The following S100Z variants were observed in gnomAD, a reference collection of about 807,000 sequenced individuals.
S100Z encodes protein S100-Z.
In S100Z, 11 loss-of-function variants were observed where a neutral mutation model predicts 8.5. That is an observed-to-expected ratio of 1.30 (90% confidence interval 0.82 to 2.15). S100Z has a LOEUF of 2.15. Among genes scored for constraint, S100Z ranks in the 30% most tolerant of loss-of-function variants. The pLI is 0.00. For missense variants in S100Z, 126 were observed against 117.9 expected, an observed-to-expected ratio of 1.07 and a Z score of -0.32; for synonymous variants, 34 against 43.8, an observed-to-expected ratio of 0.78 and a Z score of 0.89.
At chr5:76,914,367 G>T (rs1744781180) in intron 4 of S100Z, among the ~76,000 whole-genome samples, 2 of 45,784 alleles carry the variant, frequency 4.4e-5, no homozygotes, top group Non-Finnish European at 8.3e-5. Context: ...CTAGCTAAAA[G>T]GTTTGTAAAC....
rs555463438 is a variant in S100Z, at chr5:76,855,918, T to C, written c.-176+5763T>C. On this transcript the variant is annotated intron_variant, in intron 1 of 4. Coordinates refer to ENST00000317593, the MANE Select transcript of S100Z (RefSeq NM_130772.4). The stretch of plus-strand genomic sequence containing the variant: ...GGCCTGGTGGAAGGTGATTGGATCA[T>C]GGGGGTGGAGTTCTCATGAATGGGT... Among the ~76,000 whole-genome samples the C allele has an allele frequency of 1.5e-4, 23 of 152,278 alleles. No homozygotes were observed. The South Asian group carries it at 4.3e-3, about 29-fold the overall frequency.
At chr5:76,870,906 G>A (rs1380070211) in intron 2 of S100Z, among the ~76,000 whole-genome samples, 1 of 152,134 alleles carries the variant, frequency 6.6e-6, no homozygotes, top group Non-Finnish European at 1.5e-5. Flanking sequence ...AGGATTGCTT[G>A]AGGCCAGAAG....
chr5:76,860,478 G>C (rs771927094), intron 1 of S100Z, among the ~76,000 whole-genome samples: 1 of 152,066 alleles, frequency 6.6e-6, no homozygotes, highest in Admixed American at 6.5e-5. Flanking sequence ...TGCTCAAGAG[G>C]GGCTGATGGG....
the S100Z span, among the ~76,000 whole-genome samples, chr5:76,944,946 G>T: frequency 2.6e-5 from 4 of 152,178 alleles, no homozygotes; most frequent in Admixed American, 2.6e-4. Flanking sequence ...TTTAGAGTAA[G>T]GCTGAAGGGA....
chr5:76,859,923 C>CA (rs1751007342), intron 1 of S100Z, among the ~76,000 whole-genome samples: 2 of 152,144 alleles, frequency 1.3e-5, no homozygotes, highest in African/African-American at 4.8e-5. Context: ...TAACCTAACC[C>CA]AAAACTGGCA....
chr5:76,874,331 G>C (rs1247444471), intron 2 of S100Z, among the ~76,000 whole-genome samples: 2 of 151,658 alleles, frequency 1.3e-5, no homozygotes, highest in African/African-American at 2.4e-5. Flanking sequence ...CCTATTTTTA[G>C]AGTTCTTCCC....
the S100Z span, among the ~76,000 whole-genome samples, chr5:76,950,444 G>A: frequency 6.6e-6 from 1 of 152,164 alleles, no homozygotes; most frequent in Non-Finnish European, 1.5e-5. Flanking sequence ...ATATGGATCT[G>A]CTATTGTGTG....
intron 4 of S100Z, among the ~76,000 whole-genome samples, chr5:76,898,219 C>T (rs1359530240): frequency 2.6e-5 from 4 of 151,072 alleles, no homozygotes; most frequent in Non-Finnish European, 4.4e-5. Flanking sequence ...GGCATGATCT[C>T]GGCTCACTGC....
At chr5:76,881,232 G>A (rs959522210) in intron 4 of S100Z, among the ~76,000 whole-genome samples, 19 of 152,122 alleles carry the variant, frequency 1.2e-4, no homozygotes, top group African/African-American at 4.3e-4. Flanking sequence ...ACTAATAAAG[G>A]CCGGTCTGTT....
intron 4 of S100Z, among the ~76,000 whole-genome samples, chr5:76,888,303 TAG>T (rs1325816554): frequency 7.3e-6 from 1 of 136,766 alleles, no homozygotes; most frequent in Non-Finnish European, 1.6e-5. Flanking sequence ...TTTAGGCAGA[TAG>T]AGAGGAAAAG....
the S100Z span, among the ~76,000 whole-genome samples, chr5:76,934,076 T>A: frequency 6.6e-6 from 1 of 152,354 alleles, no homozygotes; most frequent in East Asian, 1.9e-4. Flanking sequence ...TTATACTAAA[T>A]AACTTGCCCA....
rs181543887 is a variant in S100Z at position 76,898,858 on chromosome 5, G to C, written c.*2+21024G>C. Among the ~76,000 whole-genome samples, 11 of 151,350 alleles carry C rather than the reference G, an allele frequency of 7.3e-5. 1 individual carries two copies. Among genetic ancestry groups the C allele is most frequent in the Admixed American group, 7.2e-4 (11 of 15,218 alleles). ...TCCTCTATTTTTTGGAATAGTTTGA[G>C]TAAGATTGGCTTTAGTTCTTTAAAT... is the stretch of plus-strand genomic sequence containing the variant. On this transcript the variant is annotated intron_variant, in intron 4 of 4. Coordinates refer to ENST00000317593, the MANE Select transcript of S100Z (RefSeq NM_130772.4).
intron 4 of S100Z, among the ~76,000 whole-genome samples, chr5:76,905,458 G>A (rs1744392532): frequency 6.6e-6 from 1 of 151,782 alleles, no homozygotes; most frequent in Middle Eastern, 3.2e-3. Context: ...TGTTGCCTAG[G>A]CTGGAGTGCA....
At chr5:76,853,941 C>T (rs766945047) in intron 1 of S100Z, among the ~76,000 whole-genome samples, 4 of 151,994 alleles carry the variant, frequency 2.6e-5, no homozygotes, top group Admixed American at 6.6e-5. Context: ...AGTGAGGTAG[C>T]GTGAGATCTG....
intron 1 of S100Z, among the ~76,000 whole-genome samples, chr5:76,858,440 T>G (rs1750947676): frequency 6.6e-6 from 1 of 152,064 alleles, no homozygotes; most frequent in Non-Finnish European, 1.5e-5. Context: ...GGAGGATCGC[T>G]TGAACCTGGG....
intron 4 of S100Z, among the ~76,000 whole-genome samples, chr5:76,916,724 A>T (rs1292388456): frequency 6.6e-6 from 1 of 152,208 alleles, no homozygotes; most frequent in African/African-American, 2.4e-5. Flanking sequence ...AATTAAAAAC[A>T]CATTCAACTA....
At chr5:76,865,240 C>CTT (rs140953492) in intron 1 of S100Z, among the ~76,000 whole-genome samples, 1,084 of 100,558 alleles carry the variant, frequency 0.011, 20 homozygotes, top group African/African-American at 0.038. Context: ...TGTCCTAGCT[C>CTT]TTTTTTTTTT....
At chr5:76,923,592 G>T (rs556205906), downstream of S100Z, among the ~76,000 whole-genome samples, 5 of 150,752 alleles carry the variant, frequency 3.3e-5, no homozygotes, top group African/African-American at 4.9e-5. Context: ...ACCCACGATG[G>T]TTCCTCTTCC....
At chr5:76,854,187 A>T (rs1410587130) in intron 1 of S100Z, among the ~76,000 whole-genome samples, 1 of 152,210 alleles carries the variant, frequency 6.6e-6, no homozygotes, top group East Asian at 1.9e-4. Context: ...CTAATACAGA[A>T]AAATAGTACC....
Sources: allele counts gnomAD v4.1 joint callset (sites outside exome capture counted in the v4.1 genomes callset), GRCh38; gene constraint gnomAD v4.1.1; transcripts MANE v1.5; gene names NCBI Gene and HGNC (gene_info 2026-07-23, HGNC 2026-07-21).